ARID4A: variants seen among roughly 807,000 people sequenced by gnomAD.
ARID4A encodes AT-rich interactive domain-containing protein 4A.
ARID4A carries 39 observed loss-of-function variants against 148.6 expected under a neutral mutation model. The ratio of observed to expected loss-of-function variants is 0.26; its 90% CI spans 0.20 to 0.34. ARID4A has a LOEUF of 0.34. ARID4A is among the 10% of genes least tolerant of loss of function. The pLI is 1.00. For missense variants in ARID4A, 1,265 were observed against 1,449.1 expected, an observed-to-expected ratio of 0.87 and a Z score of 2.06; for synonymous variants, 475 against 481.2, an observed-to-expected ratio of 0.99 and a Z score of 0.17.
chr14:58,357,806 T>C (rs1430269103), intron 17 of ARID4A, among the ~76,000 whole-genome samples: 2 of 152,190 alleles, frequency 1.3e-5, no homozygotes, highest in African/African-American at 2.4e-5. Flanking sequence ...TAAATACTTG[T>C]ATATTTAGAT....
At chr14:58,349,464 G>C (rs1034171196) in intron 15 of ARID4A, among the ~76,000 whole-genome samples, 68 of 151,174 alleles carry the variant, frequency 4.5e-4, no homozygotes, top group Admixed American at 2.2e-3. Flanking sequence ...CGCCAATATG[G>C]TGAAACCCCA....
chr14:58,347,371 C>T (rs1281349103), intron 14 of ARID4A, among the ~76,000 whole-genome samples: 1 of 152,088 alleles, frequency 6.6e-6, no homozygotes, highest in Non-Finnish European at 1.5e-5. Context: ...ATACATATTA[C>T]AGAGCTACAT....
At chr14:58,361,088 C>T in intron 19 of ARID4A, 46 bp downstream of exon 19, 1 of 1,554,356 alleles carries the variant, frequency 6.4e-7, no homozygotes, top group South Asian at 1.2e-5. Flanking sequence ...TCACCTCTGT[C>T]AAATGGAATG....
chr14:58,331,478 A>T (rs2033518134), intron 11 of ARID4A: 1 of 152,200 alleles, frequency 6.6e-6, no homozygotes, highest in Non-Finnish European at 1.5e-5. Context: ...GTAGAAGGGG[A>T]ATCTAACCAC....
At chr14:58,308,830 G>A (rs942356057) in intron 5 of ARID4A, among the ~76,000 whole-genome samples, 9 of 152,080 alleles carry the variant, frequency 5.9e-5, no homozygotes, top group South Asian at 2.1e-4. Flanking sequence ...TGTTTATGAC[G>A]TGTGTTACCT....
chr14:58,369,365 C>T (rs901707511), intron 23 of ARID4A, among the ~76,000 whole-genome samples: 10 of 152,144 alleles, frequency 6.6e-5, no homozygotes, highest in African/African-American at 2.4e-4. Flanking sequence ...GCGGCTCACG[C>T]CTGTAATCCC....
Position 58,372,689 on chromosome 14 carries a change from A to G in ARID4A, c.*700A>G, listed in dbSNP as rs1170573179. The G allele has an allele frequency of 1.6e-5, 3 of 187,700 alleles. No individual in the cohort carries two copies. Among genetic ancestry groups the G allele is most frequent in the Non-Finnish European group, 3.4e-5 (3 of 88,810 alleles). 11.6% of individuals were successfully genotyped at this position (187,700 alleles called of 1,614,324 possible). ...ATTGTGAATAAGTTTTCAGTGGACT[A>G]TCTTATCCCTTGACAAAAATATTTT... On this transcript the variant is annotated 3_prime_UTR_variant, in exon 24 of 24. Transcript: ENST00000355431.
At chr14:58,323,649 C>A in intron 8 of ARID4A, 32 bp downstream of exon 8, 1 of 1,553,720 alleles carries the variant, frequency 6.4e-7, no homozygotes, top group Non-Finnish European at 8.8e-7. Context: ...AGTTAATCAG[C>A]CGTCTAAATA....
intron 8 of ARID4A, among the ~76,000 whole-genome samples, chr14:58,325,086 AGAAG>A (rs1265703092): frequency 1.3e-5 from 2 of 152,204 alleles, no homozygotes; most frequent in African/African-American, 4.8e-5. Flanking sequence ...GCTTACACAG[AGAAG>A]GAATAAGAAG....
intron 2 of ARID4A, among the ~76,000 whole-genome samples, chr14:58,300,286 A>G (rs2031034561): frequency 6.6e-6 from 1 of 152,218 alleles, no homozygotes; most frequent in African/African-American, 2.4e-5. Flanking sequence ...TGTGTGTAAA[A>G]TGAACTTATG....
intron 11 of ARID4A, among the ~76,000 whole-genome samples, chr14:58,332,050 T>C (rs968098786): frequency 7.4e-6 from 1 of 135,978 alleles, no homozygotes; most frequent in Admixed American, 7.8e-5. Flanking sequence ...AAAAAGAGCT[T>C]TGTAGGAAGT....
intron 7 of ARID4A, among the ~76,000 whole-genome samples, chr14:58,321,193 ATATTC>A (rs2032865075): frequency 6.6e-6 from 1 of 152,200 alleles, no homozygotes; most frequent in Non-Finnish European, 1.5e-5. Context: ...GACTATTTAA[ATATTC>A]TAGTCTCTGT....
At chr14:58,344,998 G>A (rs1370043138) in intron 12 of ARID4A, among the ~76,000 whole-genome samples, 2 of 151,906 alleles carry the variant, frequency 1.3e-5, no homozygotes, top group East Asian at 1.9e-4. Context: ...TCAGCCTCTC[G>A]AGTAGCTGGG....
chr14:58,354,977 G>A (rs2034808823), intron 17 of ARID4A, among the ~76,000 whole-genome samples: 1 of 152,190 alleles, frequency 6.6e-6, no homozygotes, highest in African/African-American at 2.4e-5. Context: ...GAATGGACTT[G>A]TCTGATGTTG....
chr14:58,362,010 T>C (rs976321088), intron 19 of ARID4A, among the ~76,000 whole-genome samples: 106 of 152,218 alleles, frequency 7.0e-4, no homozygotes, highest in African/African-American at 2.5e-3. Flanking sequence ...AGGAATACTT[T>C]TTCTCATAAG....
chr14:58,364,075 A>T, intron 19 of ARID4A, 95 bp from the exon 20 acceptor site: 1 of 642,236 alleles, frequency 1.6e-6, no homozygotes, highest in Non-Finnish European at 2.3e-6. Context: ...GTACATGATT[A>T]AAGATTTTTA....
intron 9 of ARID4A, among the ~76,000 whole-genome samples, 191 bp from the exon 10 acceptor site, chr14:58,329,337 A>C (rs2140189625): frequency 6.6e-6 from 1 of 152,300 alleles, no homozygotes; most frequent in East Asian, 1.9e-4. Context: ...AGTATATACA[A>C]CTTCAGAATT....
chr14:58,310,800 T>C (rs2031969302), intron 5 of ARID4A, among the ~76,000 whole-genome samples: 1 of 150,584 alleles, frequency 6.6e-6, no homozygotes, highest in African/African-American at 2.4e-5. Flanking sequence ...CTAAATAGCT[T>C]CCACACAGCA....
At chr14:58,311,480 C>A (rs1201100671) in intron 5 of ARID4A, among the ~76,000 whole-genome samples, 1 of 152,044 alleles carries the variant, frequency 6.6e-6, no homozygotes, top group African/African-American at 2.4e-5. Flanking sequence ...TCCTTGCCCG[C>A]CATTGGTGGG....
Sources: gnomAD v4.1 joint callset for allele counts (sites outside exome capture counted in the v4.1 genomes callset) on GRCh38, gnomAD v4.1.1 for gene constraint, MANE v1.5 for transcripts, NCBI Gene and HGNC (gene_info 2026-07-23, HGNC 2026-07-21) for gene names.